The following TTC29 variants were observed in gnomAD, a reference collection of about 807,000 sequenced individuals.
TTC29 encodes tetratricopeptide repeat domain 29.
A neutral mutation model predicts 58.1 loss-of-function variants in TTC29; 49 were observed. The observed-to-expected ratio is 0.84, with a 90% CI of 0.67 to 1.07. TTC29 has a LOEUF of 1.07. Ranked by LOEUF, TTC29 falls within the 50% of genes least tolerant of loss-of-function variation. TTC29 has a pLI of 0.00. For missense variants in TTC29, 582 were observed against 555.6 expected, an observed-to-expected ratio of 1.05 and a Z score of -0.48; for synonymous variants, 209 against 196.8, an observed-to-expected ratio of 1.06 and a Z score of -0.52.
At chr4:146,789,904 C>G (rs893990081) in intron 11 of TTC29, among the ~76,000 whole-genome samples, 1 of 152,088 alleles carries the variant, frequency 6.6e-6, no homozygotes, top group Non-Finnish European at 1.5e-5. Context: ...AACTCAGTAA[C>G]AACTGGAATA....
chr4:146,905,417 A>G (rs1354214639), intron 5 of TTC29, among the ~76,000 whole-genome samples: 1 of 150,654 alleles, frequency 6.6e-6, no homozygotes, highest in African/African-American at 2.4e-5. Context: ...TATTTGCAAC[A>G]TTTCATAAGG....
intron 8 of TTC29, among the ~76,000 whole-genome samples, chr4:146,849,328 G>C (rs1041204433): frequency 1.3e-5 from 2 of 152,194 alleles, no homozygotes; most frequent in African/African-American, 4.8e-5. Flanking sequence ...GAAAGGATTT[G>C]AACTGGGTTC....
chr4:146,867,980 G>C (rs1356407813), intron 7 of TTC29, among the ~76,000 whole-genome samples: 1 of 152,060 alleles, frequency 6.6e-6, no homozygotes. Flanking sequence ...CATAGTTGCT[G>C]CTACATACAT....
In TTC29 at chr4:146,867,570, CTT is replaced by C. The variant is rs747895084; in HGVS notation, c.811_812del (p.Lys271AspfsTer17). 11 of 1,521,164 alleles carry C rather than the reference CTT, an allele frequency of 7.2e-6. No individual in the cohort carries two copies. The highest frequency in any genetic ancestry group is 9.7e-6 in the Non-Finnish European group (11 of 1,128,522). 94.2% of individuals were successfully genotyped at this position (1,521,164 alleles called of 1,614,324 possible). On this transcript the variant is annotated frameshift_variant, in exon 8 of 13. Transcript: ENST00000325106. LOFTEE classifies it high-confidence loss of function. Reference protein sequence around the residue: ...SEIAKEGSDKKMEAEASYYLG... With the variant: ...SEIAKEGSDKXMEAEASYYLG... ...AGTAGTAAGAGGCTTCCGCTTCCAT[CTT>C]TTTGTCACTTCCTGAAGTGAAGATG... is the stretch of plus-strand genomic sequence containing the variant.
chr4:146,717,136 C>A (rs1459906290), intron 11 of TTC29, among the ~76,000 whole-genome samples: 1 of 152,050 alleles, frequency 6.6e-6, no homozygotes, highest in Non-Finnish European at 1.5e-5. Context: ...ATATTAATAG[C>A]ATGTTGGAAA....
intron 11 of TTC29, among the ~76,000 whole-genome samples, chr4:146,723,532 G>A (rs911575209): frequency 6.6e-6 from 1 of 152,034 alleles, no homozygotes; most frequent in Admixed American, 6.6e-5. Context: ...TTAATTAAAT[G>A]AGCAAAAGAC....
At chr4:146,924,374 C>A (rs1378031123) in intron 4 of TTC29, among the ~76,000 whole-genome samples, 1 of 151,716 alleles carries the variant, frequency 6.6e-6, no homozygotes, top group African/African-American at 2.4e-5. Flanking sequence ...ATTAGTGGAG[C>A]CACATGGGGC....
intron 11 of TTC29, among the ~76,000 whole-genome samples, chr4:146,768,289 C>T (rs566601970): frequency 9.1e-4 from 138 of 151,932 alleles, no homozygotes; most frequent in Admixed American, 1.8e-3. Flanking sequence ...ATAGAGCAGT[C>T]GATGAGGAAG....
chr4:146,785,998 C>G (rs1010343703), intron 11 of TTC29, among the ~76,000 whole-genome samples: 6 of 151,990 alleles, frequency 3.9e-5, no homozygotes, highest in African/African-American at 1.4e-4. Flanking sequence ...CACACACACA[C>G]ACACACACAC....
intron 9 of TTC29, among the ~76,000 whole-genome samples, chr4:146,831,067 C>T (rs1312009823): frequency 6.6e-6 from 1 of 152,136 alleles, no homozygotes; most frequent in African/African-American, 2.4e-5. Flanking sequence ...TAACCAACAA[C>T]AATGCTGCAA....
intron 10 of TTC29, 102 bp from the exon 11 acceptor site, chr4:146,803,787 GTTAC>G: frequency 1.2e-6 from 1 of 816,666 alleles, no homozygotes. Context: ...CCTTTCGACA[GTTAC>G]AGCAGTTCAT....
chr4:146,729,488 T>G (rs551171267), intron 11 of TTC29, among the ~76,000 whole-genome samples: 3 of 152,308 alleles, frequency 2.0e-5, no homozygotes, highest in Non-Finnish European at 4.4e-5. Flanking sequence ...GAGTTTTTTA[T>G]GAAGGCATGT....
At chr4:146,761,669 G>GTTTT (rs71592468) in intron 11 of TTC29, among the ~76,000 whole-genome samples, 6 of 127,634 alleles carry the variant, frequency 4.7e-5, no homozygotes, top group African/African-American at 1.4e-4. Context: ...AAACAGAGTA[G>GTTTT]TTTTTTTTTT....
At chr4:146,926,012 T>C (rs1734906838) in intron 4 of TTC29, among the ~76,000 whole-genome samples, 1 of 152,166 alleles carries the variant, frequency 6.6e-6, no homozygotes, top group Admixed American at 6.5e-5. Flanking sequence ...CTGGGAGTAA[T>C]AACAAGGGTT....
At chr4:146,909,758 ATTAAG>A (rs1394136255) in intron 4 of TTC29, among the ~76,000 whole-genome samples, 1 of 152,182 alleles carries the variant, frequency 6.6e-6, no homozygotes, top group African/African-American at 2.4e-5. Flanking sequence ...TTCAGTTAGA[ATTAAG>A]TTAATGATTA....
At chr4:146,770,442 T>A (rs1319452243) in intron 11 of TTC29, among the ~76,000 whole-genome samples, 1 of 151,864 alleles carries the variant, frequency 6.6e-6, no homozygotes, top group African/African-American at 2.4e-5. Context: ...TTTTTTTTTT[T>A]AACTCTTTCA....
chr4:146,735,932 A>G (rs1208554242), intron 11 of TTC29, among the ~76,000 whole-genome samples: 1 of 152,186 alleles, frequency 6.6e-6, no homozygotes, highest in Non-Finnish European at 1.5e-5. Flanking sequence ...AGGTAGAAAT[A>G]TTTAGATGGT....
rs76037573 is a variant in TTC29, at chr4:146,853,655, T to C, written c.885+13843A>G. ...AATATTTTCACACATTACTAATTAT[T>C]TCCCTTAGGTAAATTCCAAAATGAG... On this transcript the variant is annotated intron_variant, in intron 8 of 12. Coordinates refer to ENST00000325106, the MANE Select transcript of TTC29 (RefSeq NM_031956.4). Among the ~76,000 whole-genome samples, 721 of 152,306 alleles carry C rather than the reference T, an allele frequency of 4.7e-3. 7 individuals are homozygous for C. The highest frequency in any genetic ancestry group is 0.016 in the African/African-American group (677 of 41,576).
chr4:146,845,132 C>T (rs1729085457), intron 8 of TTC29, among the ~76,000 whole-genome samples: 1 of 152,224 alleles, frequency 6.6e-6, no homozygotes, highest in Non-Finnish European at 1.5e-5. Context: ...GCAATCTTCA[C>T]AATCAACTCT....
Sources: allele counts gnomAD v4.1 joint callset (sites outside exome capture counted in the v4.1 genomes callset), GRCh38; gene constraint gnomAD v4.1.1; transcripts MANE v1.5; gene names NCBI Gene and HGNC (gene_info 2026-07-23, HGNC 2026-07-21).